MGST1: variants seen among roughly 807,000 people sequenced by gnomAD.
MGST1 encodes glutathione S-transferase 12.
In MGST1, 5 loss-of-function variants were observed where a neutral mutation model predicts 8.9. The ratio of observed to expected loss-of-function variants is 0.56; its 90% CI spans 0.29 to 1.19. The LOEUF is 1.19. Among genes scored for constraint, MGST1 ranks in the 50% most tolerant of loss-of-function variants. MGST1 has a pLI of 0.08. For synonymous variants in MGST1, 54 were observed against 67.8 expected, an observed-to-expected ratio of 0.80 and a Z score of 1.00; for missense variants, 182 against 187.4, an observed-to-expected ratio of 0.97 and a Z score of 0.17.
At chr12:16,376,034 C>T in intron 3 of MGST1, 1 of 896,286 alleles carries the variant, frequency 1.1e-6, no homozygotes, top group Non-Finnish European at 1.5e-6. Flanking sequence ...AGATTTTATA[C>T]ATATATATAA....
At chr12:16,531,537 C>T (rs1345573412) in intron 4 of MGST1, among the ~76,000 whole-genome samples, 3 of 152,056 alleles carry the variant, frequency 2.0e-5, no homozygotes, top group Admixed American at 2.0e-4. Flanking sequence ...AGAAGGATCC[C>T]TTGAGCCTAG....
At chr12:16,431,497 C>A (rs1940939843) in intron 1 of MGST1, among the ~76,000 whole-genome samples, 1 of 151,446 alleles carries the variant, frequency 6.6e-6, no homozygotes, top group South Asian at 2.1e-4. Context: ...ATTGTAAGTT[C>A]ATTTATTCAA....
At chr12:16,387,581 C>T (rs1428745949) in intron 1 of MGST1, among the ~76,000 whole-genome samples, 1 of 150,780 alleles carries the variant, frequency 6.6e-6, no homozygotes, top group East Asian at 2.0e-4. Context: ...GGCTGGAGTG[C>T]AGTGGGGCTA....
chr12:16,430,614 T>A (rs1940929862), intron 1 of MGST1, among the ~76,000 whole-genome samples: 1 of 22,804 alleles, frequency 4.4e-5, no homozygotes, highest in Admixed American at 6.9e-4. Flanking sequence ...TTGAAAGAAA[T>A]TTTTTTTTTC....
intron 1 of MGST1, among the ~76,000 whole-genome samples, chr12:16,432,724 A>AC (rs1332278011): frequency 5.4e-5 from 8 of 147,204 alleles, no homozygotes; most frequent in Non-Finnish European, 1.2e-4. Context: ...ACACACACAC[A>AC]CACACACAGA....
intron 4 of MGST1, among the ~76,000 whole-genome samples, chr12:16,509,240 A>T (rs944811896): frequency 1.3e-4 from 20 of 152,170 alleles, no homozygotes; most frequent in African/African-American, 4.8e-4. Context: ...GTTAATTATT[A>T]TGACCCTGCC....
intron 4 of MGST1, among the ~76,000 whole-genome samples, chr12:16,466,492 A>G (rs1430856936): frequency 2.6e-5 from 4 of 152,242 alleles, no homozygotes; most frequent in African/African-American, 9.6e-5. Flanking sequence ...TCCTTTTGTC[A>G]TCTGGTCTTA....
downstream of MGST1, among the ~76,000 whole-genome samples, chr12:16,443,502 A>G (rs1216554218): frequency 6.6e-6 from 1 of 150,542 alleles, no homozygotes; most frequent in Non-Finnish European, 1.5e-5. Flanking sequence ...TTTTTTTGTT[A>G]TAACTTTTAG....
chr12:16,526,261 G>C (rs961151691), intron 4 of MGST1, among the ~76,000 whole-genome samples: 1 of 151,828 alleles, frequency 6.6e-6, no homozygotes, highest in South Asian at 2.1e-4. Flanking sequence ...TTTCTTCTAG[G>C]GTTTTTAGGA....
intron 4 of MGST1, among the ~76,000 whole-genome samples, chr12:16,573,317 A>G (rs1286118601): frequency 6.6e-6 from 1 of 152,190 alleles, no homozygotes; most frequent in Non-Finnish European, 1.5e-5. Context: ...AAAAATTTTG[A>G]ACTCAGACAT....
chr12:16,429,648 A>G (rs1443454460), intron 1 of MGST1, among the ~76,000 whole-genome samples: 1 of 152,212 alleles, frequency 6.6e-6, no homozygotes, highest in Non-Finnish European at 1.5e-5. Flanking sequence ...TGTTTATACT[A>G]TACTGCAGCC....
chr12:16,435,967 G>T (rs1033095707), intron 1 of MGST1, among the ~76,000 whole-genome samples: 1 of 143,652 alleles, frequency 7.0e-6, no homozygotes, highest in Non-Finnish European at 1.5e-5. Flanking sequence ...ATCTTTTAAA[G>T]AAGTTATTTC....
In MGST1 at chr12:16,555,392, T is replaced by A. The variant is rs1431088884; in HGVS notation, n.483-34136T>A. On this transcript the variant is annotated intron_variant and non_coding_transcript_variant, in intron 4 of 4. Transcript: ENST00000538857. The surrounding 1 kb of genome is among the most constrained non-coding windows in gnomAD (Gnocchi z 5.5). ...GGTGTTTCAAAATTTCTCATGAATG[T>A]GTAACTGGTTTGCCATTATAGTCAG... Among the ~76,000 whole-genome samples the A allele has an allele frequency of 6.6e-6, 1 of 152,200 alleles. No individual in the cohort carries two copies. Among genetic ancestry groups the A allele is most frequent in the Admixed American group, 6.5e-5 (1 of 15,282 alleles).
At chr12:16,556,444 A>G (rs1942192850) in intron 4 of MGST1, among the ~76,000 whole-genome samples, 1 of 151,924 alleles carries the variant, frequency 6.6e-6, no homozygotes, top group Non-Finnish European at 1.5e-5. Context: ...CAATCCTGAA[A>G]GGTTATTATT....
At chr12:16,445,647 A>G (rs1941074240) in intron 4 of MGST1, among the ~76,000 whole-genome samples, 1 of 151,958 alleles carries the variant, frequency 6.6e-6, no homozygotes, top group African/African-American at 2.4e-5. Context: ...CATTCGCTAT[A>G]TCAATGCCTG....
At chr12:16,353,866 TCTC>T (rs1273159331) in intron 1 of MGST1, among the ~76,000 whole-genome samples, 2 of 151,384 alleles carry the variant, frequency 1.3e-5, no homozygotes, top group Non-Finnish European at 2.9e-5. Flanking sequence ...TTTAAGCAAT[TCTC>T]CTGCCTCAGT....
intron 1 of MGST1, among the ~76,000 whole-genome samples, chr12:16,432,731 C>CAGAG (rs767958436): frequency 5.9e-4 from 78 of 132,734 alleles, no homozygotes; most frequent in African/African-American, 1.9e-3. Context: ...CACACACACA[C>CAGAG]AGAGAGAGAG....
chr12:16,450,424 G>A (rs2137112221), intron 4 of MGST1, among the ~76,000 whole-genome samples: 1 of 152,062 alleles, frequency 6.6e-6, no homozygotes, highest in South Asian at 2.1e-4. Context: ...GGGAAAATGA[G>A]CCACTAATTG....
chr12:16,577,946 G>T (rs1943044524), intron 4 of MGST1, among the ~76,000 whole-genome samples: 1 of 152,122 alleles, frequency 6.6e-6, no homozygotes, highest in Admixed American at 6.6e-5. Flanking sequence ...TTATTTATCA[G>T]AAATTTGAGT....
Sources: allele counts gnomAD v4.1 joint callset (sites outside exome capture counted in the v4.1 genomes callset), GRCh38; gene constraint gnomAD v4.1.1; non-coding constraint Gnocchi (gnomAD v3.1); transcripts MANE v1.5; gene names NCBI Gene and HGNC (gene_info 2026-07-23, HGNC 2026-07-21).